The following NFATC3 variants were observed in gnomAD, a reference collection of about 807,000 sequenced individuals.
NFATC3 encodes the protein nuclear factor of activated T cells 3.
Under a neutral mutation model 98.6 loss-of-function variants are expected in NFATC3, and 46 were observed. That is an observed-to-expected ratio of 0.47 (90% CI 0.37 to 0.60). NFATC3 has a LOEUF of 0.60. NFATC3 is among the 20% of genes least tolerant of loss of function. The pLI, the probability that NFATC3 is intolerant of heterozygous loss-of-function variation, is 0.00. For synonymous variants in NFATC3, 512 were observed against 472.2 expected (o/e 1.08, Z -1.09); for missense variants, 1,256 against 1,295.5 (o/e 0.97, Z 0.47).
intron 9 of NFATC3, chr16:68,217,673 A>G: frequency 8.1e-7 from 1 of 1,231,548 alleles, no homozygotes; most frequent in East Asian, 3.2e-5. Flanking sequence ...TTCAGAGATC[A>G]AGATTCCTTT....
intron 1 of NFATC3, chr16:68,086,942 T>G (rs1189527172): frequency 3.5e-6 from 1 of 288,408 alleles, no homozygotes; most frequent in Non-Finnish European, 5.2e-6. Flanking sequence ...CGAACCACTC[T>G]TACGGACCCT....
intron 1 of NFATC3, among the ~76,000 whole-genome samples, chr16:68,113,469 G>A (rs1019474516): frequency 6.6e-6 from 1 of 152,212 alleles, no homozygotes; most frequent in Non-Finnish European, 1.5e-5. Flanking sequence ...TCCTCCTCTG[G>A]GAGCTTCATC....
intron 3 of NFATC3, among the ~76,000 whole-genome samples, chr16:68,153,894 G>T (rs1329020775): frequency 6.6e-6 from 1 of 151,966 alleles, no homozygotes; most frequent in African/African-American, 2.4e-5. Flanking sequence ...GATTACAGGT[G>T]TGAGCCACCG....
At chr16:68,161,648 G>C (rs1446714830) in intron 4 of NFATC3, among the ~76,000 whole-genome samples, 1 of 152,146 alleles carries the variant, frequency 6.6e-6, no homozygotes, top group African/African-American at 2.4e-5. Flanking sequence ...TTGGCTTCCA[G>C]AACTTCATAG....
intron 3 of NFATC3, among the ~76,000 whole-genome samples, chr16:68,147,599 C>T (rs948990464): frequency 3.3e-5 from 5 of 152,080 alleles, no homozygotes; most frequent in Non-Finnish European, 7.3e-5. Context: ...GTTTATTTCT[C>T]CACTTGATGA....
intron 3 of NFATC3, among the ~76,000 whole-genome samples, chr16:68,144,639 C>G (rs2037939633): frequency 6.6e-6 from 1 of 151,876 alleles, no homozygotes; most frequent in Non-Finnish European, 1.5e-5. Flanking sequence ...GCCACTGCGC[C>G]TAGCCTCAAC....
intron 1 of NFATC3, among the ~76,000 whole-genome samples, chr16:68,115,296 T>G (rs1373203712): frequency 3.9e-5 from 6 of 152,184 alleles, no homozygotes; most frequent in African/African-American, 1.2e-4. Flanking sequence ...ACTCCTGACC[T>G]TGTGATCCAC....
intron 1 of NFATC3, among the ~76,000 whole-genome samples, chr16:68,106,369 T>G (rs1172217311): frequency 6.6e-6 from 1 of 151,598 alleles, no homozygotes; most frequent in Non-Finnish European, 1.5e-5. Flanking sequence ...CTTGGCTCAC[T>G]GCACCTCCAC....
At chr16:68,095,254 C>T (rs2034952669) in intron 1 of NFATC3, among the ~76,000 whole-genome samples, 1 of 151,626 alleles carries the variant, frequency 6.6e-6, no homozygotes, top group African/African-American at 2.4e-5. Flanking sequence ...TGGAGTGCAA[C>T]CTCTGCCTCC....
chr16:68,216,680 T>C (rs2041654315), intron 9 of NFATC3, among the ~76,000 whole-genome samples: 2 of 152,058 alleles, frequency 1.3e-5, no homozygotes, highest in Non-Finnish European at 2.9e-5. Context: ...TACAGGCACC[T>C]GCCACCACAC....
At chr16:68,147,832 A>ATT (rs142285369) in intron 3 of NFATC3, among the ~76,000 whole-genome samples, 14 of 148,742 alleles carry the variant, frequency 9.4e-5, no homozygotes, top group African/African-American at 3.5e-4. Flanking sequence ...CTCTACCTTC[A>ATT]TTTTTTTTTA....
At chr16:68,154,400 C>T (rs2038502206) in intron 3 of NFATC3, among the ~76,000 whole-genome samples, 1 of 152,134 alleles carries the variant, frequency 6.6e-6, no homozygotes, top group Admixed American at 6.5e-5. Context: ...ATCCTGCCTC[C>T]ACCCTAGTTT....
At chr16:68,172,863 AAG>A (rs1158712787) in intron 5 of NFATC3, among the ~76,000 whole-genome samples, 53 of 152,186 alleles carry the variant, frequency 3.5e-4, no homozygotes, top group African/African-American at 1.2e-3. Context: ...AAGCAATTAA[AAG>A]AAAGAAATGC....
intron 7 of NFATC3, among the ~76,000 whole-genome samples, chr16:68,183,036 T>G (rs1342653399): frequency 6.6e-6 from 1 of 152,184 alleles, no homozygotes; most frequent in Non-Finnish European, 1.5e-5. Flanking sequence ...TAAAAAGCAA[T>G]TTCTCTTTTA....
At position 68,123,010 on chromosome 16, in the gene NFATC3, G is replaced by T; in HGVS notation, c.1127G>T (p.Gly376Val). The change falls in exon 2 of 10, where the codon GGC (glycine) becomes GTC (valine). Residue 376 changes from glycine to valine, a missense_variant. Coordinates refer to ENST00000346183, the MANE Select transcript of NFATC3 (RefSeq NM_173165.3). The part of the protein sequence containing the change: ...SPARETSIDD[G>V]LGSQYPLKKD... ...GCCCGGGAGACTTCAATAGATGATG[G>T]CCTTGGATCTCAGTATCCTTTAAAG... 6.2e-7 allele frequency: 1 copy of T among 1,614,006 alleles called. No individual in the cohort carries two copies. The highest frequency in any genetic ancestry group is 8.5e-7 in the Non-Finnish European group (1 of 1,180,032).
At chr16:68,147,321 C>G (rs958766052) in intron 3 of NFATC3, among the ~76,000 whole-genome samples, 1 of 152,190 alleles carries the variant, frequency 6.6e-6, no homozygotes, top group Admixed American at 6.5e-5. Context: ...CTCATTTTGA[C>G]GAGCTACTTT....
intron 9 of NFATC3, among the ~76,000 whole-genome samples, chr16:68,219,930 T>C (rs1214931896): frequency 6.6e-6 from 1 of 152,222 alleles, no homozygotes; most frequent in Non-Finnish European, 1.5e-5. Flanking sequence ...TAGCTCTAAA[T>C]AAGAGTCCTA....
intron 1 of NFATC3, among the ~76,000 whole-genome samples, chr16:68,101,495 T>C (rs1455828601): frequency 6.6e-6 from 1 of 151,538 alleles, no homozygotes; most frequent in East Asian, 1.9e-4. Context: ...TTTTTGTTTT[T>C]TTTTTTGAGA....
chr16:68,188,680 T>G (rs1935132327), intron 8 of NFATC3, among the ~76,000 whole-genome samples: 1 of 152,222 alleles, frequency 6.6e-6, no homozygotes, highest in South Asian at 2.1e-4. Flanking sequence ...GATCATTAAT[T>G]GCAAATGGCT....
Sources: allele counts gnomAD v4.1 joint callset (sites outside exome capture counted in the v4.1 genomes callset), GRCh38; gene constraint gnomAD v4.1.1; transcripts MANE v1.5; gene names NCBI Gene and HGNC (gene_info 2026-07-23, HGNC 2026-07-21).